AGFG1: variants seen among roughly 807,000 people sequenced by gnomAD.
The protein encoded by AGFG1 is arf-GAP domain and FG repeat-containing protein 1.
Under a neutral mutation model 60.6 loss-of-function variants are expected in AGFG1, and 10 were observed. That is an observed-to-expected ratio of 0.16 (90% CI 0.10 to 0.28). AGFG1 has a LOEUF of 0.28. Ranked by LOEUF, AGFG1 falls within the 10% of genes least tolerant of loss-of-function variation. AGFG1 has a pLI of 1.00. For missense variants in AGFG1, 537 were observed against 676.5 expected (o/e 0.79, Z 2.29); for synonymous variants, 247 against 242.9 (o/e 1.02, Z -0.16).
At chr2:227,474,195 C>G (rs777742371) in intron 1 of AGFG1, among the ~76,000 whole-genome samples, 2 of 152,128 alleles carry the variant, frequency 1.3e-5, no homozygotes, top group Non-Finnish European at 2.9e-5. Context: ...TTGTTACTTA[C>G]GTTGGACAAT....
intron 1 of AGFG1, among the ~76,000 whole-genome samples, chr2:227,478,298 TATATA>T (rs1287895107): frequency 6.6e-6 from 1 of 150,774 alleles, no homozygotes; most frequent in African/African-American, 2.4e-5. Context: ...TATATATACA[TATATA>T]ATATATATAT....
chr2:227,551,993 C>T lies in AGFG1; in HGVS notation c.1413C>T (p.Pro471=). Reference sequence around the variant, plus strand: ...TTGGCACTGCATCCATGAGCATGCCCACAGGATTCGGCACTCCTGCTCCCT... The same window carrying T: ...TTGGCACTGCATCCATGAGCATGCCTACAGGATTCGGCACTCCTGCTCCCT... ...ATFGTASMSM[P]TGFGTPAPYS... The change falls in exon 11 of 13, where the codon CCC becomes CCT. Residue 471 remains proline, a synonymous_variant. Transcript: ENST00000310078. The T allele has an allele frequency of 6.2e-7, 1 of 1,614,162 alleles. No individual in the cohort carries two copies. Among genetic ancestry groups the T allele is most frequent in the Non-Finnish European group, 8.5e-7 (1 of 1,180,024 alleles).
At position 227,558,817 on chromosome 2, in the gene AGFG1, C is replaced by G. The variant is rs1161087378; in HGVS notation, c.*4322C>G. 6.6e-6 allele frequency: 1 copy of G among 152,170 alleles called. No individual in the cohort carries two copies. Among genetic ancestry groups the G allele is most frequent in the Non-Finnish European group, 1.5e-5 (1 of 68,018 alleles). 9.4% of individuals were successfully genotyped at this position (152,170 alleles called of 1,614,324 possible). ...CTTCATGGTGATTTTACCTGCCAATCTGATGTCATTAAATGCAGTTTGATG... is the reference window on the plus strand; with the variant it reads ...CTTCATGGTGATTTTACCTGCCAATGTGATGTCATTAAATGCAGTTTGATG... On this transcript the variant is annotated 3_prime_UTR_variant, in exon 13 of 13. Coordinates refer to ENST00000310078, the MANE Select transcript of AGFG1 (RefSeq NM_004504.5).
chr2:227,493,052 A>T (rs1690865314), intron 2 of AGFG1, among the ~76,000 whole-genome samples: 1 of 152,156 alleles, frequency 6.6e-6, no homozygotes, highest in Non-Finnish European at 1.5e-5. Flanking sequence ...AGAGTAGCAA[A>T]ACTGTGATAA....
In AGFG1 at chr2:227,536,269, G is replaced by A. The variant is rs933158967; in HGVS notation, c.1206-356G>A. Among the ~76,000 whole-genome samples the A allele has an allele frequency of 4.0e-5, 6 of 148,506 alleles. No homozygotes were observed. In the East Asian group the frequency reaches 1.2e-3, roughly 30 times the overall value. ...TCACACCTATGAGTGAAAACATGCA[G>A]TGTTTGGTTTTCTGTCCTTGTGATA... On this transcript the variant is annotated intron_variant, in intron 8 of 12. Transcript: ENST00000310078.
intron 2 of AGFG1, among the ~76,000 whole-genome samples, chr2:227,512,266 G>A (rs917098317): frequency 6.6e-6 from 1 of 152,168 alleles, no homozygotes; most frequent in Non-Finnish European, 1.5e-5. Context: ...TGTTAAGATA[G>A]AGTATACTGT....
intron 2 of AGFG1, among the ~76,000 whole-genome samples, chr2:227,491,969 T>C (rs1690832994): frequency 6.6e-6 from 1 of 152,132 alleles, no homozygotes; most frequent in African/African-American, 2.4e-5. Context: ...GAGAATTCAT[T>C]TTGTGATGTT....
At chr2:227,491,441 CTG>C (rs1235307954) in intron 1 of AGFG1, 104 bp from the exon 2 acceptor site, 2 of 654,894 alleles carry the variant, frequency 3.1e-6, no homozygotes, top group African/African-American at 1.9e-5. Flanking sequence ...AATGAAAACA[CTG>C]TTTCAAGTTT....
chr2:227,511,798 T>A (rs2106195276), intron 2 of AGFG1, among the ~76,000 whole-genome samples: 1 of 152,280 alleles, frequency 6.6e-6, no homozygotes, highest in African/African-American at 2.4e-5. Flanking sequence ...TGACATAGCA[T>A]TTAAAAATTA....
intron 5 of AGFG1, among the ~76,000 whole-genome samples, chr2:227,527,802 C>T (rs1054265616): frequency 6.6e-6 from 1 of 152,112 alleles, no homozygotes; most frequent in Non-Finnish European, 1.5e-5. Context: ...CTAAAGCTTA[C>T]TCTTTTATTT....
At chr2:227,534,133 T>C (rs1205038003) in intron 7 of AGFG1, among the ~76,000 whole-genome samples, 1 of 152,112 alleles carries the variant, frequency 6.6e-6, no homozygotes, top group Non-Finnish European at 1.5e-5. Context: ...CGTTAACATC[T>C]TGGTGGGTTT....
At chr2:227,503,660 G>A (rs1478398212) in intron 2 of AGFG1, among the ~76,000 whole-genome samples, 1 of 152,188 alleles carries the variant, frequency 6.6e-6, no homozygotes, top group Non-Finnish European at 1.5e-5. Flanking sequence ...AAATTGAGAT[G>A]ACTGGGCTCT....
intron 10 of AGFG1, among the ~76,000 whole-genome samples, chr2:227,542,184 G>A (rs780142714): frequency 2.0e-5 from 3 of 152,118 alleles, no homozygotes; most frequent in Non-Finnish European, 4.4e-5. Flanking sequence ...CTGGCCAGAA[G>A]TTCCAACACT....
intron 10 of AGFG1, among the ~76,000 whole-genome samples, chr2:227,539,945 C>T (rs537368144): frequency 4.4e-4 from 67 of 152,222 alleles, no homozygotes; most frequent in Non-Finnish European, 8.5e-4. Flanking sequence ...AAGCGATTCT[C>T]ATGACTCAGC....
chr2:227,510,803 G>A (rs548914840), intron 2 of AGFG1: 1 of 152,296 alleles, frequency 6.6e-6, no homozygotes, highest in South Asian at 2.1e-4. Context: ...CCTTTACTAA[G>A]TCCTTATGGT....
At chr2:227,530,951 A>G in intron 5 of AGFG1, 140 bp from the exon 6 acceptor site, 1 of 835,130 alleles carries the variant, frequency 1.2e-6, no homozygotes, top group South Asian at 2.3e-5. Flanking sequence ...AGGGTTTAAA[A>G]TCTGATTGCT....
At chr2:227,500,399 G>A (rs540335110) in intron 2 of AGFG1, among the ~76,000 whole-genome samples, 22 of 152,130 alleles carry the variant, frequency 1.4e-4, no homozygotes, top group Non-Finnish European at 2.6e-4. Flanking sequence ...TAGTGTCATA[G>A]GTCTTATGGC....
At chr2:227,508,460 G>A in intron 2 of AGFG1, 1 of 319,318 alleles carries the variant, frequency 3.1e-6, no homozygotes, top group South Asian at 2.8e-5. Flanking sequence ...CTACTCCCTT[G>A]CTCAACTCCT....
At chr2:227,473,713 T>G (rs1690193805) in intron 1 of AGFG1, among the ~76,000 whole-genome samples, 1 of 152,232 alleles carries the variant, frequency 6.6e-6, no homozygotes, top group South Asian at 2.1e-4. Context: ...GCTTGTAAGA[T>G]TAATACAAAG....
Sources: gnomAD v4.1 joint callset for allele counts (sites outside exome capture counted in the v4.1 genomes callset) on GRCh38, gnomAD v4.1.1 for gene constraint, MANE v1.5 for transcripts, NCBI Gene and HGNC (gene_info 2026-07-23, HGNC 2026-07-21) for gene names.